The following REELD1 variants were observed in gnomAD, a reference collection of about 807,000 sequenced individuals.
REELD1 encodes reelin domain-containing protein 1.
In REELD1, 12 loss-of-function variants were observed where a neutral mutation model predicts 6.3. The observed-to-expected ratio is 1.89, with a 90% CI of 1.21 to 3.07. The LOEUF (loss-of-function observed/expected upper bound fraction) is 3.07, where lower values mean the gene tolerates loss of function less well. Among genes scored for constraint, REELD1 ranks in the 30% most tolerant of loss-of-function variants. REELD1 has a pLI of 0.00. For missense variants in REELD1, 163 were observed against 86.8 expected, an observed-to-expected ratio of 1.88 and a Z score of -3.49; for synonymous variants, 57 against 33.6, an observed-to-expected ratio of 1.70 and a Z score of -2.42.
At position 146,230,315 on chromosome 4, in the gene REELD1, C is replaced by A. The variant is rs1057424377; in HGVS notation, c.1383C>A (p.Gly461=). The A allele has an allele frequency of 8.0e-5, 32 of 398,820 alleles. 1 individual carries two copies. The highest frequency in any genetic ancestry group is 1.2e-4 in the Non-Finnish European group (28 of 226,308). The allele number at this position is 398,820 out of a possible 1,614,324, so 24.7% of individuals were successfully genotyped here. A position where few individuals can be genotyped will look rare whatever the true frequency, so the allele number is the denominator to read the frequency against. Residue 461 remains glycine, a synonymous_variant, in exon 8 of 8, where the codon GGC becomes GGA. Coordinates refer to ENST00000623665, the MANE Select transcript of REELD1 (RefSeq NM_001354631.1). ...SATLGMALAA[G]LRYLHTQYCH... ...CCCTGGGCATGGCCCTGGCCGCTGGCCTTCGCTACCTGCACACCCAGTATT... is the reference window on the plus strand; with the variant it reads ...CCCTGGGCATGGCCCTGGCCGCTGGACTTCGCTACCTGCACACCCAGTATT...
intron 4 of REELD1, among the ~76,000 whole-genome samples, chr4:146,223,632 A>G (rs1156718882): frequency 6.6e-6 from 1 of 152,182 alleles, no homozygotes; most frequent in African/African-American, 2.4e-5. Flanking sequence ...GTAGTGTAGA[A>G]GCTATGATCT....
At chr4:146,224,074 G>T (rs1730975367) in intron 4 of REELD1, among the ~76,000 whole-genome samples, 1 of 152,202 alleles carries the variant, frequency 6.6e-6, no homozygotes, top group African/African-American at 2.4e-5. Context: ...TTCAAATCAT[G>T]ACATAATAAC....
At chr4:146,227,192 C>G (rs574004407) in intron 5 of REELD1, among the ~76,000 whole-genome samples, 1 of 152,280 alleles carries the variant, frequency 6.6e-6, no homozygotes, top group Admixed American at 6.5e-5. Flanking sequence ...CAGCACACAG[C>G]GGGTCTGCAG....
chr4:146,222,711 T>C (rs979782055), intron 4 of REELD1, 132 bp downstream of exon 4: 12 of 396,962 alleles, frequency 3.0e-5, no homozygotes, highest in Non-Finnish European at 4.4e-5. Flanking sequence ...GACAGGGTCA[T>C]GGATGCTGCC....
At position 146,215,548 on chromosome 4, in the gene REELD1, G is replaced by A. The variant is rs182818975; in HGVS notation, c.-12+350G>A. Among the ~76,000 whole-genome samples the A allele has an allele frequency of 2.0e-5, 3 of 151,726 alleles. No individual in the cohort carries two copies. In the East Asian group the frequency reaches 5.8e-4, roughly 29 times the overall value. ...GGAGTGGAGGACACTTGATTATTTG[G>A]TTTATGGATTATTTCCTTAGTCTAT... On this transcript the variant is annotated intron_variant, in intron 2 of 7. Coordinates refer to ENST00000623665, the MANE Select transcript of REELD1 (RefSeq NM_001354631.1).
chr4:146,227,940 G>T (rs1393977451), intron 5 of REELD1, among the ~76,000 whole-genome samples: 2 of 152,166 alleles, frequency 1.3e-5, no homozygotes, highest in Non-Finnish European at 2.9e-5. Flanking sequence ...TGCTTTCTGT[G>T]TTCCCTGAAT....
At chr4:146,223,904 A>G (rs913668858) in intron 4 of REELD1, among the ~76,000 whole-genome samples, 1 of 152,262 alleles carries the variant, frequency 6.6e-6, no homozygotes, top group Non-Finnish European at 1.5e-5. Flanking sequence ...CTTTACTGAA[A>G]TATTTGGAAG....
chr4:146,220,833 C>G (rs1419089107), intron 3 of REELD1, among the ~76,000 whole-genome samples: 1 of 152,188 alleles, frequency 6.6e-6, no homozygotes, highest in African/African-American at 2.4e-5. Flanking sequence ...CTAACTTCCC[C>G]GAAGACAGGT....
At position 146,228,212 on chromosome 4, in the gene REELD1, C is replaced by G. The variant is rs993297303; in HGVS notation, c.598C>G (p.Pro200Ala). The change falls in exon 6 of 8, where the codon CCC (proline) becomes GCC (alanine). Residue 200 changes from proline to alanine, a missense_variant and splice_region_variant. Coordinates refer to ENST00000623665, the MANE Select transcript of REELD1 (RefSeq NM_001354631.1). ...GCTGTCTTTGGACCTCTGCTTAGCT[C>G]CCAGGACCCCCATCACTCTTCCACA... ...LGDVEGAAPA[P>A]RTPITLPQQH... is the part of the protein sequence containing the mutation. 10 of 701,426 alleles carry G rather than the reference C, an allele frequency of 1.4e-5. No homozygotes were observed. The East Asian group carries it at 1.9e-4, about 13-fold the overall frequency. 43.5% of individuals were successfully genotyped at this position (701,426 alleles called of 1,614,324 possible).
intron 5 of REELD1, among the ~76,000 whole-genome samples, chr4:146,226,215 C>T (rs890546604): frequency 3.7e-4 from 56 of 152,190 alleles, no homozygotes; most frequent in African/African-American, 1.3e-3. Context: ...GAGTCCTCCT[C>T]CACCCCATTA....
At chr4:146,229,400 G>A (rs1174490326) in intron 7 of REELD1, among the ~76,000 whole-genome samples, 2 of 152,108 alleles carry the variant, frequency 1.3e-5, no homozygotes, top group Non-Finnish European at 2.9e-5. Flanking sequence ...TGCCATGTAT[G>A]GTCCCAGAAG....
chr4:146,223,065 C>T (rs1354517470), intron 4 of REELD1, among the ~76,000 whole-genome samples: 3 of 152,172 alleles, frequency 2.0e-5, no homozygotes, highest in African/African-American at 4.8e-5. Context: ...AGCCTACGTT[C>T]GCTCAGAAGA....
At position 146,223,088 on chromosome 4, in the gene REELD1, A is replaced by C. The variant is rs530882065; in HGVS notation, c.431+509A>C. Among the ~76,000 whole-genome samples the C allele has an allele frequency of 2.3e-4, 35 of 152,366 alleles. No homozygotes were observed. In the East Asian group the frequency reaches 5.0e-3, roughly 22 times the overall value. On this transcript the variant is annotated intron_variant, in intron 4 of 7. Coordinates refer to ENST00000623665, the MANE Select transcript of REELD1 (RefSeq NM_001354631.1). ...TTCGCTCAGAAGAGTTCCTGGCAACAGTAAGCACTTTAAAAGCATCATTAG... is the reference window on the plus strand; with the variant it reads ...TTCGCTCAGAAGAGTTCCTGGCAACCGTAAGCACTTTAAAAGCATCATTAG...
chr4:146,215,940 AG>A (rs1730818711), intron 2 of REELD1, among the ~76,000 whole-genome samples: 1 of 152,098 alleles, frequency 6.6e-6, no homozygotes, highest in African/African-American at 2.4e-5. Flanking sequence ...TAGTAAAGAC[AG>A]GGTTTCACCG....
In REELD1 at chr4:146,230,217, G is replaced by C. The variant is rs951748347; in HGVS notation, c.1285G>C (p.Glu429Gln). Residue 429 changes from glutamate to glutamine, a missense_variant, in exon 8 of 8, where the codon GAG (glutamate) becomes CAG (glutamine). Physicochemically the swap from Glu to Gln is conservative, Grantham distance 29 (BLOSUM62 2). Coordinates refer to ENST00000623665, the MANE Select transcript of REELD1 (RefSeq NM_001354631.1). Reference protein sequence around the residue: ...QTNPRPDIGLEGAQAPLGIQL... With the variant: ...QTNPRPDIGLQGAQAPLGIQL... ...CAACCCACGGCCTGACATTGGGCTAGAGGGAGCCCAGGCCCCTCTGGGTAT... is the reference window on the plus strand; with the variant it reads ...CAACCCACGGCCTGACATTGGGCTACAGGGAGCCCAGGCCCCTCTGGGTAT... 4 of 398,726 alleles carry C rather than the reference G, an allele frequency of 1.0e-5. No individual in the cohort carries two copies. Among genetic ancestry groups the C allele is most frequent in the African/African-American group, 8.2e-5 (4 of 48,652 alleles). 24.7% of individuals were successfully genotyped at this position (398,726 alleles called of 1,614,324 possible). A position where few individuals can be genotyped will look rare whatever the true frequency, so the allele number is the denominator to read the frequency against.
intron 4 of REELD1, among the ~76,000 whole-genome samples, chr4:146,223,069 C>T (rs941542395): frequency 2.0e-5 from 3 of 152,162 alleles, no homozygotes; most frequent in Non-Finnish European, 4.4e-5. Context: ...TACGTTCGCT[C>T]AGAAGAGTTC....
At position 146,230,659 on chromosome 4, in the gene REELD1, G is replaced by C. The variant is rs1242545915; in HGVS notation, c.*146G>C. The stretch of plus-strand genomic sequence containing the variant: ...GCAGTTAGTGGAGGAACCCGGGAGA[G>C]GACACTTTCATCAACAGAGGGAGTT... On this transcript the variant is annotated 3_prime_UTR_variant, in exon 8 of 8. Coordinates refer to ENST00000623665, the MANE Select transcript of REELD1 (RefSeq NM_001354631.1). The C allele has an allele frequency of 1.0e-5, 4 of 396,058 alleles. No homozygotes were observed. Among genetic ancestry groups the C allele is most frequent in the African/African-American group, 8.2e-5 (4 of 48,596 alleles). The allele number at this position is 396,058 out of a possible 1,614,324, so 24.5% of individuals were successfully genotyped here.
intron 5 of REELD1, among the ~76,000 whole-genome samples, chr4:146,226,946 T>G (rs143897342): frequency 2.1e-4 from 32 of 152,316 alleles, no homozygotes; most frequent in African/African-American, 7.7e-4. Flanking sequence ...AACTTTGGTA[T>G]TTTTAGTAGA....
intron 4 of REELD1, among the ~76,000 whole-genome samples, chr4:146,223,930 G>A (rs1250875166): frequency 1.3e-5 from 2 of 152,216 alleles, no homozygotes; most frequent in Non-Finnish European, 2.9e-5. Context: ...ATGGCATAAT[G>A]TTTGTGAATG....
Sources: allele counts gnomAD v4.1 joint callset (sites outside exome capture counted in the v4.1 genomes callset), GRCh38; gene constraint gnomAD v4.1.1; transcripts MANE v1.5; gene names NCBI Gene and HGNC (gene_info 2026-07-23, HGNC 2026-07-21).